ZSCAN30: variants seen among roughly 807,000 people sequenced by gnomAD.
ZSCAN30 encodes the protein zinc finger and SCAN domain containing 30.
In ZSCAN30, 37 loss-of-function variants were observed where a neutral mutation model predicts 44.3. The observed-to-expected ratio is 0.84, with a 90% CI of 0.64 to 1.10. The LOEUF (loss-of-function observed/expected upper bound fraction) is 1.10. Ranked by LOEUF, ZSCAN30 falls within the 50% of genes least tolerant of loss-of-function variation. The probability of loss-of-function intolerance (pLI) is 0.00; values close to 1 mark genes in which losing one functional copy is unlikely to be tolerated. For synonymous variants in ZSCAN30, 181 were observed against 204.6 expected, an observed-to-expected ratio of 0.88 and a Z score of 0.98; for missense variants, 549 against 582.6, an observed-to-expected ratio of 0.94 and a Z score of 0.59.
At chr18:35,271,347 G>GCT (rs1455030852) in intron 1 of ZSCAN30, among the ~76,000 whole-genome samples, 1 of 152,114 alleles carries the variant, frequency 6.6e-6, no homozygotes, top group African/African-American at 2.4e-5. Context: ...GACACAGAGT[G>GCT]CTGATTGGTG....
At chr18:35,254,843 G>C (rs2043741079) in intron 3 of ZSCAN30, 1 of 195,868 alleles carries the variant, frequency 5.1e-6, no homozygotes, top group Non-Finnish European at 1.1e-5. Flanking sequence ...GAAATGCTTT[G>C]GGAGTTAGCA....
At chr18:35,259,278 ACCTTCTGGGCTCAGGTGAC>A (rs1187432766) in intron 3 of ZSCAN30, 1 of 152,196 alleles carries the variant, frequency 6.6e-6, no homozygotes, top group East Asian at 1.9e-4. Context: ...TGCAACCTCC[ACCTTCTGGGCTCAGGTGAC>A]CCTCCTGTCT....
At chr18:35,280,640 A>G (rs942697001) in intron 1 of ZSCAN30, among the ~76,000 whole-genome samples, 8 of 152,208 alleles carry the variant, frequency 5.3e-5, no homozygotes, top group African/African-American at 1.9e-4. Context: ...TCTTTTCTGA[A>G]TCAGAGTTTT....
In ZSCAN30 at chr18:35,264,407, GA is replaced by G. The variant is rs759218097; in HGVS notation, c.-56del. On this transcript the variant is annotated 5_prime_UTR_variant, in exon 2 of 4. Coordinates refer to ENST00000333206, the MANE Select transcript of ZSCAN30 (RefSeq NM_001112734.4). ...CCAGGTGAGGCAGGGAGGAGATGGA[GA>G]TTTGCGTCTGAGAGATTCCTTCTGA... 24 of 1,552,314 alleles carry G rather than the reference GA, an allele frequency of 1.5e-5. No homozygotes were observed. Among genetic ancestry groups the G allele is most frequent in the Non-Finnish European group, 2.1e-5 (24 of 1,147,734 alleles).
chr18:35,276,968 C>T (rs1045361754), intron 1 of ZSCAN30, among the ~76,000 whole-genome samples: 1 of 152,212 alleles, frequency 6.6e-6, no homozygotes, highest in African/African-American at 2.4e-5. Context: ...GCCACAGGGG[C>T]AGAGCTGCCC....
At chr18:35,279,788 A>G (rs1022714538) in intron 1 of ZSCAN30, among the ~76,000 whole-genome samples, 3 of 152,210 alleles carry the variant, frequency 2.0e-5, no homozygotes, top group African/African-American at 7.2e-5. Flanking sequence ...CCATAGGCCC[A>G]TGTCCAAATA....
At chr18:35,288,092 C>T (rs2143791999) in intron 1 of ZSCAN30, among the ~76,000 whole-genome samples, 1 of 152,180 alleles carries the variant, frequency 6.6e-6, no homozygotes, top group East Asian at 1.9e-4. Context: ...AGGCTGGTCT[C>T]CAGCTCCTAG....
At chr18:35,276,815 G>A (rs1278865620) in intron 1 of ZSCAN30, among the ~76,000 whole-genome samples, 1 of 152,236 alleles carries the variant, frequency 6.6e-6, no homozygotes, top group Non-Finnish European at 1.5e-5. Flanking sequence ...GAACTGCCTA[G>A]TGGAGCTGTG....
intron 1 of ZSCAN30, among the ~76,000 whole-genome samples, chr18:35,271,465 T>C (rs2044273543): frequency 6.6e-6 from 1 of 152,138 alleles, no homozygotes; most frequent in South Asian, 2.1e-4. Flanking sequence ...AGACACAGAG[T>C]GCTGATTGGT....
In ZSCAN30 at chr18:35,264,913, G is replaced by A. The variant is rs187211529; in HGVS notation, c.-103-458C>T. On this transcript the variant is annotated intron_variant, in intron 1 of 3. Transcript: ENST00000333206. ...TGTAATCCTAGCACTTTGGGAGGCC[G>A]AGGCGGGAGGATCACGAGGTCAGAA... 3.6e-3 allele frequency among the ~76,000 whole-genome samples: 544 copies of A among 152,212 alleles called. 11 individuals carry two copies. Among genetic ancestry groups the A allele is most frequent in the East Asian group, 0.029 (149 of 5,170 alleles).
Position 35,253,192 on chromosome 18 carries a change from T to C in ZSCAN30, c.*258A>G, listed in dbSNP as rs1207258894. On this transcript the variant is annotated 3_prime_UTR_variant, in exon 4 of 4. Coordinates refer to ENST00000333206, the MANE Select transcript of ZSCAN30 (RefSeq NM_001112734.4). The stretch of plus-strand genomic sequence containing the variant: ...GAGAGTGGAGTGAAGGGGATATTGA[T>C]GAGTCTCATCCAGAAATGGGTTAGG... 3.0e-6 allele frequency: 1 copy of C among 331,306 alleles called. No individual in the cohort carries two copies. Among genetic ancestry groups the C allele is most frequent in the Non-Finnish European group, 5.6e-6 (1 of 179,890 alleles). The allele number at this position is 331,306 out of a possible 1,614,324, so 20.5% of individuals were successfully genotyped here. A position where few individuals can be genotyped will look rare whatever the true frequency, so the allele number is the denominator to read the frequency against.
At chr18:35,267,300 TG>T (rs1217152616) in intron 1 of ZSCAN30, among the ~76,000 whole-genome samples, 4 of 151,600 alleles carry the variant, frequency 2.6e-5, no homozygotes, top group African/African-American at 9.7e-5. Flanking sequence ...GGTGGCTGAG[TG>T]GGCAAGTGGA....
Position 35,253,707 on chromosome 18 carries a change from C to T in ZSCAN30, c.1228G>A (p.Asp410Asn). The T allele has an allele frequency of 1.2e-6, 2 of 1,614,144 alleles. No homozygotes were observed. Among genetic ancestry groups the T allele is most frequent in the Non-Finnish European group, 1.7e-6 (2 of 1,180,018 alleles). Residue 410 changes from aspartate (D) to asparagine (N), a missense_variant, in exon 4 of 4, where the codon GAT becomes AAT. By Grantham distance (23) the Asp-to-Asn change is conservative (BLOSUM62 1). Transcript: ENST00000333206. ...CATGCAATACATTCATAGCTTTTAT[C>T]TCCAGTGTGAATTTTCTTATGCTGA... is the stretch of plus-strand genomic sequence containing the variant. Reference protein sequence around the residue: ...LIQHKKIHTGDKSYECIACGK... With the variant: ...LIQHKKIHTGNKSYECIACGK...
At chr18:35,289,929 T>C (rs546168717) in intron 1 of ZSCAN30, 155 bp downstream of exon 1, 3 of 152,216 alleles carry the variant, frequency 2.0e-5, no homozygotes, top group African/African-American at 7.2e-5. Flanking sequence ...GTGATTCTGA[T>C]GCGCGCTACT....
intron 1 of ZSCAN30, among the ~76,000 whole-genome samples, chr18:35,270,870 G>C (rs1460384593): frequency 1.3e-5 from 2 of 152,336 alleles, no homozygotes; most frequent in South Asian, 2.1e-4. Context: ...GACATGTTCA[G>C]AGTTTCTTTC....
At chr18:35,273,738 T>A (rs1250070030) in intron 1 of ZSCAN30, among the ~76,000 whole-genome samples, 2 of 152,228 alleles carry the variant, frequency 1.3e-5, no homozygotes, top group African/African-American at 4.8e-5. Context: ...AGTACCACAC[T>A]GTTTTGATAA....
chr18:35,286,131 A>G (rs2044545226), intron 1 of ZSCAN30, among the ~76,000 whole-genome samples: 1 of 152,204 alleles, frequency 6.6e-6, no homozygotes, highest in African/African-American at 2.4e-5. Context: ...AGCTTACCCT[A>G]TAAGAAATAT....
intron 1 of ZSCAN30, among the ~76,000 whole-genome samples, chr18:35,278,830 C>T (rs1418002506): frequency 1.3e-5 from 2 of 152,212 alleles, no homozygotes; most frequent in African/African-American, 4.8e-5. Flanking sequence ...CATGATTCAG[C>T]CAAGTTTCTG....
At chr18:35,254,548 A>T (rs1411688293) in intron 3 of ZSCAN30, 167 bp from the exon 4 acceptor site, 32 of 1,256,516 alleles carry the variant, frequency 2.5e-5, no homozygotes, top group Non-Finnish European at 3.3e-5. Context: ...GGGTAGCCAA[A>T]TATGGCCCCC....
Sources: allele counts gnomAD v4.1 joint callset (sites outside exome capture counted in the v4.1 genomes callset), GRCh38; gene constraint gnomAD v4.1.1; transcripts MANE v1.5; gene names NCBI Gene and HGNC (gene_info 2026-07-23, HGNC 2026-07-21).